Variants in MINDY2 observed in about 807,000 individuals in gnomAD.
MINDY2 encodes ubiquitin carboxyl-terminal hydrolase MINDY-2.
MINDY2 carries 52 observed loss-of-function variants against 68.2 expected under a neutral mutation model. That is an observed-to-expected ratio of 0.76 (90% CI 0.61 to 0.96). The LOEUF is 0.96. Among genes scored for constraint, MINDY2 ranks in the 40% least tolerant of loss-of-function variants. MINDY2 has a pLI of 0.00. For missense variants in MINDY2, 881 were observed against 773.4 expected (o/e 1.14, Z -1.65); for synonymous variants, 372 against 303.0 (o/e 1.23, Z -2.36).
chr15:58,810,234 T>G lies in MINDY2; in HGVS notation c.968T>G (p.Met323Arg). The G allele has an allele frequency of 1.2e-6, 2 of 1,603,510 alleles. No homozygotes were observed. Among genetic ancestry groups the G allele is most frequent in the South Asian group, 1.1e-5 (1 of 87,998 alleles). The change falls in exon 4 of 9, where the codon ATG becomes AGG. Residue 323 changes from methionine to arginine, a missense_variant. Met to Arg is a moderately conservative substitution (Grantham distance 91, BLOSUM62 -1). Coordinates refer to ENST00000559228, the MANE Select transcript of MINDY2 (RefSeq NM_001040450.3). ...EIQRLNYEQNMSDAMAILHKL... is the reference protein window; with the variant it reads ...EIQRLNYEQNRSDAMAILHKL... Reference sequence around the variant, plus strand: ...TTTCCCCTTTTCTATTTTCAGAATATGAGTGATGCCATGGCAATTTTGCAC... The same window carrying G: ...TTTCCCCTTTTCTATTTTCAGAATAGGAGTGATGCCATGGCAATTTTGCAC...
chr15:58,809,717 A>G (rs779282834), intron 3 of MINDY2, among the ~76,000 whole-genome samples: 41 of 152,290 alleles, frequency 2.7e-4, no homozygotes, highest in South Asian at 1.5e-3. Flanking sequence ...ACATTGTTTT[A>G]TATATATACA....
At chr15:58,794,113 G>A (rs1425974346) in intron 2 of MINDY2, among the ~76,000 whole-genome samples, 2 of 151,992 alleles carry the variant, frequency 1.3e-5, no homozygotes, top group African/African-American at 2.4e-5. Context: ...AGGGTTGTGC[G>A]GTGGGGGAGG....
rs181432504 is a variant in MINDY2 at position 58,827,311 on chromosome 15, G to A, written c.1226-4463G>A. Among the ~76,000 whole-genome samples the A allele has an allele frequency of 1.6e-3, 245 of 152,170 alleles. 1 individual carries two copies. Among genetic ancestry groups the A allele is most frequent in the African/African-American group, 5.5e-3 (229 of 41,506 alleles). On this transcript the variant is annotated intron_variant, in intron 5 of 8. Coordinates refer to ENST00000559228, the MANE Select transcript of MINDY2 (RefSeq NM_001040450.3). ...AACCAGGTAGATTTGGCATCCATTG[G>A]TTCTTGCCTGAATCAGTTATTACTG...
At chr15:58,786,749 C>A (rs1354314723) in intron 1 of MINDY2, among the ~76,000 whole-genome samples, 1 of 152,150 alleles carries the variant, frequency 6.6e-6, no homozygotes, top group African/African-American at 2.4e-5. Flanking sequence ...CCTTAAAAGC[C>A]CCTTTCCAAC....
chr15:58,823,857 G>C (rs1046941840), intron 5 of MINDY2, among the ~76,000 whole-genome samples: 3 of 152,040 alleles, frequency 2.0e-5, no homozygotes, highest in African/African-American at 7.2e-5. Flanking sequence ...AATGTATGGG[G>C]AAAAAAATTC....
In MINDY2 at chr15:58,771,638, C is replaced by A. The variant is rs539766602; in HGVS notation, c.243C>A (p.Ser81=). 1.9e-6 allele frequency: 3 copies of A among 1,612,360 alleles called. No individual in the cohort carries two copies. The highest frequency in any genetic ancestry group is 1.7e-5 in the Admixed American group (1 of 60,002). The part of the protein sequence containing the change: ...GSPEVPGPCS[S]SAGLDLKDSG... ...CTGAGGTTCCCGGACCCTGCAGCTC[C>A]TCCGCGGGTTTGGACTTGAAGGACA... Residue 81 remains serine (S), a synonymous_variant, in exon 1 of 9, where the codon TCC becomes TCA. Transcript: ENST00000559228.
chr15:58,839,110 T>C (rs975642121), intron 6 of MINDY2, among the ~76,000 whole-genome samples: 2 of 152,012 alleles, frequency 1.3e-5, no homozygotes, highest in Non-Finnish European at 2.9e-5. Context: ...TATTTATTTA[T>C]TTAATTTTTT....
chr15:58,777,540 G>A (rs1279160121), intron 1 of MINDY2, among the ~76,000 whole-genome samples: 2 of 151,956 alleles, frequency 1.3e-5, no homozygotes, highest in African/African-American at 2.4e-5. Flanking sequence ...TTGGGAGGCC[G>A]AGGCCAGAGG....
chr15:58,808,725 C>T (rs1434943755), intron 3 of MINDY2, among the ~76,000 whole-genome samples: 1 of 152,162 alleles, frequency 6.6e-6, no homozygotes, highest in African/African-American at 2.4e-5. Context: ...CTGCCTCAGC[C>T]TCCCGAGTAG....
At chr15:58,836,109 G>T (rs377418240) in intron 6 of MINDY2, among the ~76,000 whole-genome samples, 3 of 151,952 alleles carry the variant, frequency 2.0e-5, no homozygotes, top group Non-Finnish European at 2.9e-5. Context: ...ACAGGGTTTC[G>T]CTGTGTTAGC....
chr15:58,852,922 GTTTTTTTTTTTTTTTTTTT>G lies in MINDY2; in HGVS notation c.1737+987_1737+1005del, dbSNP rs746154698. On this transcript the variant is annotated intron_variant, in intron 8 of 8. Transcript: ENST00000559228. ...TATACCATGCCAGACTGCTGTTCCTGTTTTTTTTTTTTTTTTTTTTTTTTTTTTTTTTTTTTTTTTTTTT... is the reference window on the plus strand; with the variant it reads ...TATACCATGCCAGACTGCTGTTCCTGTTTTTTTTTTTTTTTTTTTTTTTTT... Among the ~76,000 whole-genome samples, 30 of 48,970 alleles carry G rather than the reference GTTTTTTTTTTTTTTTTTTT, an allele frequency of 6.1e-4. 2 individuals are homozygous for G. The highest frequency in any genetic ancestry group is 2.2e-3 in the African/African-American group (29 of 13,330). The allele number at this position is 48,970 out of a possible 152,430, so 32.1% of individuals were successfully genotyped here.
intron 7 of MINDY2, 130 bp from the exon 8 acceptor site, chr15:58,851,641 A>C (rs903491246): frequency 1.7e-5 from 11 of 663,294 alleles, no homozygotes; most frequent in Non-Finnish European, 2.4e-5. Context: ...GGGTCTTGCT[A>C]TATTGCCCAG....
At chr15:58,852,922 G>GTTTTTTTTTT (rs746154698) in intron 8 of MINDY2, among the ~76,000 whole-genome samples, 2 of 48,968 alleles carry the variant, frequency 4.1e-5, no homozygotes, top group African/African-American at 1.5e-4. Flanking sequence ...TGCTGTTCCT[G>GTTTTTTTTTT]TTTTTTTTTT....
intron 2 of MINDY2, among the ~76,000 whole-genome samples, chr15:58,801,842 T>G (rs1261850351): frequency 2.6e-5 from 4 of 152,110 alleles, no homozygotes; most frequent in African/African-American, 4.8e-5. Context: ...CAGGCTGAAC[T>G]CCTGACCTCA....
At chr15:58,853,398 A>G (rs1203779654) in intron 8 of MINDY2, among the ~76,000 whole-genome samples, 8 of 152,172 alleles carry the variant, frequency 5.3e-5, no homozygotes, top group Non-Finnish European at 5.9e-5. Flanking sequence ...TCAAATATTG[A>G]CTACTCCAAG....
chr15:58,773,135 G>A (rs1480443036), intron 1 of MINDY2, among the ~76,000 whole-genome samples: 2 of 150,232 alleles, frequency 1.3e-5, no homozygotes, highest in Non-Finnish European at 1.5e-5. Flanking sequence ...TGTTTCCTAG[G>A]AAAAAAAAAC....
rs1595787445 is a variant in MINDY2 at position 58,852,250 on chromosome 15, T to A, written c.1737+285T>A. ...TTGCAGCGAGCTGAGATTGTGCCAC[T>A]ACACTCCAGTCAGGATGATAGAGCA... On this transcript the variant is annotated intron_variant, in intron 8 of 8. Coordinates refer to ENST00000559228, the MANE Select transcript of MINDY2 (RefSeq NM_001040450.3). 2.6e-5 allele frequency among the ~76,000 whole-genome samples: 3 copies of A among 115,742 alleles called. No individual in the cohort carries two copies. The South Asian group carries it at 9.0e-4, about 35-fold the overall frequency. The allele number at this position is 115,742 out of a possible 152,430, so 75.9% of individuals were successfully genotyped here.
intron 6 of MINDY2, among the ~76,000 whole-genome samples, chr15:58,833,184 G>A (rs544336845): frequency 1.5e-4 from 23 of 152,268 alleles, no homozygotes; most frequent in African/African-American, 4.8e-4. Context: ...GTAATATACC[G>A]AAAATGTTCA....
chr15:58,831,041 G>GTGTGTGTATATATA (rs565786025), intron 5 of MINDY2, among the ~76,000 whole-genome samples: 1,306 of 124,828 alleles, frequency 0.01, 11 homozygotes, highest in South Asian at 0.028. Context: ...GTGTGTGTGT[G>GTGTGTGTATATATA]TATATATATA....
Sources: allele counts gnomAD v4.1 joint callset (sites outside exome capture counted in the v4.1 genomes callset), GRCh38; gene constraint gnomAD v4.1.1; transcripts MANE v1.5; gene names NCBI Gene and HGNC (gene_info 2026-07-23, HGNC 2026-07-21).